Variants in SOS1 observed in about 807,000 individuals in gnomAD.
The protein encoded by SOS1 is SOS Ras/Rac guanine nucleotide exchange factor 1, also known as son of sevenless homolog 1.
A neutral mutation model predicts 157.6 loss-of-function variants in SOS1; 25 were observed. That is an observed-to-expected ratio of 0.16 (90% CI 0.12 to 0.22). The LOEUF (loss-of-function observed/expected upper bound fraction) is 0.22, where lower values mean the gene tolerates loss of function less well. SOS1 is among the 10% of genes least tolerant of loss of function. The probability of loss-of-function intolerance (pLI) is 1.00; values close to 1 mark genes in which losing one functional copy is unlikely to be tolerated. For missense variants in SOS1, 1,237 were observed against 1,599.1 expected, an observed-to-expected ratio of 0.77 and a Z score of 3.86; for synonymous variants, 528 against 534.0, an observed-to-expected ratio of 0.99 and a Z score of 0.16.
chr2:39,083,756 C>A (rs1396621206), intron 1 of SOS1, among the ~76,000 whole-genome samples: 1 of 152,096 alleles, frequency 6.6e-6, no homozygotes, highest in Non-Finnish European at 1.5e-5. Flanking sequence ...AAAGGATATA[C>A]ATACAAAGAT....
intron 1 of SOS1, among the ~76,000 whole-genome samples, chr2:39,115,876 T>C (rs1266778209): frequency 6.6e-6 from 1 of 152,238 alleles, no homozygotes; most frequent in South Asian, 2.1e-4. Context: ...GTATAAGTCT[T>C]TGTATAAGCT....
Position 39,012,355 on chromosome 2 carries a change from T to C in SOS1, c.2168-7A>G. On this transcript the variant is annotated splice_polypyrimidine_tract_variant and splice_region_variant and intron_variant, in intron 13 of 22. Coordinates refer to ENST00000402219, the MANE Select transcript of SOS1 (RefSeq NM_005633.4). ...CATTTTTTCATTGCTTTACCTGCAA[T>C]ACATTATATTTTAAATAACATTTAA... 1 of 1,354,782 alleles carries C rather than the reference T, an allele frequency of 7.4e-7. No individual in the cohort carries two copies. Among genetic ancestry groups the C allele is most frequent in the Non-Finnish European group, 1.0e-6 (1 of 957,572 alleles). 83.9% of individuals were successfully genotyped at this position (1,354,782 alleles called of 1,614,324 possible).
intron 8 of SOS1, among the ~76,000 whole-genome samples, chr2:39,034,260 G>C (rs1558479995): frequency 6.6e-6 from 1 of 152,194 alleles, no homozygotes; most frequent in Non-Finnish European, 1.5e-5. Context: ...AGAGACCTGA[G>C]AAAATGTAAG....
intron 8 of SOS1, 80 bp from the exon 9 acceptor site, chr2:39,024,217 T>C: frequency 9.1e-7 from 1 of 1,095,076 alleles, no homozygotes; most frequent in East Asian, 2.5e-5. Context: ...AGGATAAAAA[T>C]AACATTTATT....
Position 39,027,200 on chromosome 2 carries a change from A to T in SOS1, c.1075-3063T>A, listed in dbSNP as rs1425712592. On this transcript the variant is annotated intron_variant, in intron 8 of 22. Transcript: ENST00000402219. ...TAGACAAAATATATAATTCTCATAC[A>T]CATAAAAATATTTATAAAAGAAAAA... Among the ~76,000 whole-genome samples the T allele has an allele frequency of 3.3e-5, 5 of 152,340 alleles. No individual in the cohort carries two copies. The East Asian group carries it at 9.6e-4, about 29-fold the overall frequency.
chr2:38,997,667 T>C (rs957099889), intron 17 of SOS1, among the ~76,000 whole-genome samples: 7 of 151,894 alleles, frequency 4.6e-5, no homozygotes, highest in African/African-American at 1.4e-4. Flanking sequence ...GATACATATT[T>C]TTTATTTTTT....
chr2:39,105,592 T>C (rs1013462385), intron 1 of SOS1, among the ~76,000 whole-genome samples: 7 of 152,194 alleles, frequency 4.6e-5, no homozygotes, highest in African/African-American at 1.7e-4. Flanking sequence ...GCTCAACTAA[T>C]TTGGTAAATA....
chr2:39,065,361 T>C (rs1172490495), intron 2 of SOS1, among the ~76,000 whole-genome samples: 2 of 152,150 alleles, frequency 1.3e-5, no homozygotes, highest in African/African-American at 4.8e-5. Context: ...TCCATTCTCA[T>C]GTAAAGTCCT....
chr2:39,068,682 C>A (rs752523930), intron 1 of SOS1, among the ~76,000 whole-genome samples: 1 of 151,662 alleles, frequency 6.6e-6, no homozygotes, highest in Non-Finnish European at 1.5e-5. Context: ...TTCTCCTCAA[C>A]CATTTCTTTA....
At position 39,120,525 on chromosome 2, in the gene SOS1, C is replaced by A. The variant is rs1437978332; in HGVS notation, c.-103G>T. The A allele has an allele frequency of 3.5e-6, 4 of 1,132,220 alleles. No homozygotes were observed. The African/African-American group carries it at 6.6e-5, about 19-fold the overall frequency. 70.1% of individuals were successfully genotyped at this position (1,132,220 alleles called of 1,614,324 possible). On this transcript the variant is annotated 5_prime_UTR_variant, in exon 1 of 23. Transcript: ENST00000402219. ...AGCGCGGAACAGGGCCGCGGCCCCA[C>A]CGGACGGCCCGGCCCCCTCCGGGCG...
intron 6 of SOS1, among the ~76,000 whole-genome samples, chr2:39,036,079 A>G (rs891248147): frequency 6.6e-6 from 1 of 152,180 alleles, no homozygotes; most frequent in African/African-American, 2.4e-5. Flanking sequence ...AGTTAAAAAG[A>G]CCAGAATCTA....
chr2:39,010,522 T>C (rs1167283600), intron 15 of SOS1, 62 bp downstream of exon 15: 2 of 1,498,022 alleles, frequency 1.3e-6, no homozygotes, highest in Non-Finnish European at 1.9e-6. Context: ...AACAAAAAAA[T>C]TGCATTGAAA....
At position 38,984,428 on chromosome 2, in the gene SOS1, C is replaced by T. The variant is rs974302565; in HGVS notation, c.*1396G>A. ...GAATAGTTTTGATAAAGCAGAAAAC[C>T]TCAAGCAAGGTAGAATGTTCAATAT... On this transcript the variant is annotated 3_prime_UTR_variant, in exon 23 of 23. Coordinates refer to ENST00000402219, the MANE Select transcript of SOS1 (RefSeq NM_005633.4). The T allele has an allele frequency of 3.9e-5, 6 of 152,080 alleles. No individual in the cohort carries two copies. The East Asian group carries it at 1.2e-3, about 29-fold the overall frequency. The allele number at this position is 152,080 out of a possible 1,614,324, so 9.4% of individuals were successfully genotyped here.
chr2:38,995,809 T>C (rs1209994829), intron 19 of SOS1, among the ~76,000 whole-genome samples: 1 of 152,200 alleles, frequency 6.6e-6, no homozygotes, highest in Non-Finnish European at 1.5e-5. Flanking sequence ...TCAGGACCAT[T>C]TGAGATATTT....
intron 1 of SOS1, among the ~76,000 whole-genome samples, chr2:39,104,508 G>T (rs1673091476): frequency 6.6e-6 from 1 of 152,158 alleles, no homozygotes; most frequent in Non-Finnish European, 1.5e-5. Context: ...ATTGCTGGTA[G>T]GAATGTAAAA....
In SOS1 at chr2:38,986,013, C is replaced by T. The variant is rs863224405; in HGVS notation, c.3813G>A (p.Arg1271=). 10 of 1,613,810 alleles carry T rather than the reference C, an allele frequency of 6.2e-6. No homozygotes were observed. Among genetic ancestry groups the T allele is most frequent in the Non-Finnish European group, 8.5e-6 (10 of 1,179,858 alleles). Residue 1271 remains arginine (R), a synonymous_variant, in exon 23 of 23, where the codon AGG becomes AGA. Coordinates refer to ENST00000402219, the MANE Select transcript of SOS1 (RefSeq NM_005633.4). Reference sequence around the variant, plus strand: ...GTGTCAATGGTGGTGATGGCAGATGCCTTCTTGTGCCGTGAGGAGAAGGTG... The same window carrying T: ...GTGTCAATGGTGGTGATGGCAGATGTCTTCTTGTGCCGTGAGGAGAAGGTG... ...PQTPSPHGTR[R]HLPSPPLTQE...
intron 1 of SOS1, among the ~76,000 whole-genome samples, chr2:39,119,632 A>G (rs1572906359): frequency 2.6e-5 from 4 of 152,272 alleles, no homozygotes; most frequent in African/African-American, 4.8e-5. Flanking sequence ...TTATACTAAA[A>G]CATTTAAAAG....
At chr2:38,989,367 A>G (rs1668658040) in intron 20 of SOS1, 53 bp from the exon 21 acceptor site, 1 of 1,110,064 alleles carries the variant, frequency 9.0e-7, no homozygotes. Context: ...GATATATTCA[A>G]CTCATCTGCA....
intron 2 of SOS1, among the ~76,000 whole-genome samples, chr2:39,061,770 C>G (rs1461546803): frequency 6.6e-6 from 1 of 152,002 alleles, no homozygotes; most frequent in African/African-American, 2.4e-5. Context: ...CTCCTAATTT[C>G]AAGATTAATA....
Sources: allele counts gnomAD v4.1 joint callset (sites outside exome capture counted in the v4.1 genomes callset), GRCh38; gene constraint gnomAD v4.1.1; transcripts MANE v1.5; gene names NCBI Gene and HGNC (gene_info 2026-07-23, HGNC 2026-07-21).